The following PALS2 variants were observed in gnomAD, a reference collection of about 807,000 sequenced individuals.
PALS2 encodes protein PALS2.
In PALS2, 27 loss-of-function variants were observed where a neutral mutation model predicts 61.6. That is an observed-to-expected ratio of 0.44 (90% CI 0.32 to 0.60). The LOEUF (loss-of-function observed/expected upper bound fraction) is 0.60, where lower values mean the gene tolerates loss of function less well. Among genes scored for constraint, PALS2 ranks in the 20% least tolerant of loss-of-function variants. PALS2 has a pLI of 0.05. For missense variants in PALS2, 554 were observed against 639.4 expected, an observed-to-expected ratio of 0.87 and a Z score of 1.44; for synonymous variants, 236 against 218.6, an observed-to-expected ratio of 1.08 and a Z score of -0.70.
chr7:24,591,944 G>C (rs1783303481), intron 1 of PALS2, among the ~76,000 whole-genome samples: 1 of 151,930 alleles, frequency 6.6e-6, no homozygotes, highest in African/African-American at 2.4e-5. Flanking sequence ...TGCTATGATT[G>C]GGGACCATTT....
chr7:24,598,268 T>C (rs1783593782), intron 1 of PALS2, among the ~76,000 whole-genome samples: 1 of 152,228 alleles, frequency 6.6e-6, no homozygotes, highest in Non-Finnish European at 1.5e-5. Context: ...GGTATTTTCA[T>C]GTAACTTAAA....
intron 3 of PALS2, among the ~76,000 whole-genome samples, chr7:24,648,491 G>T (rs796550932): frequency 7.3e-5 from 11 of 151,506 alleles, no homozygotes; most frequent in African/African-American, 2.7e-4. Flanking sequence ...ACAGAGTGTT[G>T]CCATGTTGGC....
At chr7:24,641,665 G>T in intron 2 of PALS2, 51 bp from the exon 3 acceptor site, 1 of 1,429,482 alleles carries the variant, frequency 7.0e-7, no homozygotes, top group Non-Finnish European at 9.5e-7. Flanking sequence ...CCATGGTCTG[G>T]TGCAAATAAC....
chr7:24,689,484 A>G lies in PALS2; in HGVS notation c.*1870A>G, dbSNP rs1445053895. ...TTGAAGGAAAAGAAAATATATGACA[A>G]TAGGCAGTATTGACACATTGTTTAA... On this transcript the variant is annotated 3_prime_UTR_variant, in exon 12 of 12. Transcript: ENST00000222644. The G allele has an allele frequency of 6.6e-6, 1 of 152,202 alleles. No individual in the cohort carries two copies. Among genetic ancestry groups the G allele is most frequent in the Non-Finnish European group, 1.5e-5 (1 of 68,038 alleles). 9.4% of individuals were successfully genotyped at this position (152,202 alleles called of 1,614,324 possible). A position where few individuals can be genotyped will look rare whatever the true frequency, so the allele number is the denominator to read the frequency against.
intron 1 of PALS2, 41 bp from the exon 2 acceptor site, chr7:24,623,625 T>G: frequency 8.0e-7 from 1 of 1,252,704 alleles, no homozygotes; most frequent in Non-Finnish European, 1.1e-6. Flanking sequence ...TTTTGTTTGT[T>G]TGTTTGTTTG....
At chr7:24,672,935 T>A (rs564867480) in intron 9 of PALS2, among the ~76,000 whole-genome samples, 1 of 152,260 alleles carries the variant, frequency 6.6e-6, no homozygotes, top group East Asian at 1.9e-4. Context: ...TGCAGTGTAA[T>A]GTGTAATAGT....
intron 5 of PALS2, among the ~76,000 whole-genome samples, chr7:24,658,198 TCTG>T (rs1359754618): frequency 2.0e-4 from 30 of 152,234 alleles, no homozygotes; most frequent in Non-Finnish European, 2.8e-4. Flanking sequence ...CAATGTCTAA[TCTG>T]CTATTAATCA....
At chr7:24,593,714 T>A (rs2108303) in intron 1 of PALS2, among the ~76,000 whole-genome samples, 1 of 151,906 alleles carries the variant, frequency 6.6e-6, no homozygotes, top group East Asian at 1.9e-4. Flanking sequence ...CTGAGCAGTA[T>A]GTCTCAACAG....
intron 9 of PALS2, among the ~76,000 whole-genome samples, chr7:24,669,831 T>C (rs933386190): frequency 6.6e-6 from 1 of 152,218 alleles, no homozygotes; most frequent in Admixed American, 6.5e-5. Context: ...TTTAGACAAA[T>C]CCTACTAAAG....
intron 2 of PALS2, among the ~76,000 whole-genome samples, chr7:24,630,787 C>G (rs1784966180): frequency 6.6e-6 from 1 of 152,182 alleles, no homozygotes; most frequent in African/African-American, 2.4e-5. Flanking sequence ...TGCCTGTGCC[C>G]TCTAACTGGA....
intron 1 of PALS2, among the ~76,000 whole-genome samples, chr7:24,579,256 G>A (rs1276031053): frequency 4.6e-5 from 7 of 152,184 alleles, no homozygotes; most frequent in African/African-American, 1.7e-4. Flanking sequence ...GATGGAAAAT[G>A]TTTGATAATA....
intron 3 of PALS2, among the ~76,000 whole-genome samples, chr7:24,644,745 T>C (rs542541262): frequency 7.9e-4 from 121 of 152,276 alleles, no homozygotes; most frequent in Non-Finnish European, 1.4e-3. Context: ...GTGGTTGAGC[T>C]AATATACATT....
At chr7:24,649,465 T>A (rs1786025974) in intron 3 of PALS2, 147 bp from the exon 4 acceptor site, 2 of 436,966 alleles carry the variant, frequency 4.6e-6, no homozygotes, top group South Asian at 2.0e-4. Context: ...ATATATTTAT[T>A]TGATCAACCT....
intron 1 of PALS2, among the ~76,000 whole-genome samples, chr7:24,619,110 T>A (rs1784397841): frequency 6.6e-6 from 1 of 152,208 alleles, no homozygotes; most frequent in Admixed American, 6.6e-5. Flanking sequence ...TTAATTACCT[T>A]GTAAATTTTG....
chr7:24,612,999 A>G (rs1373659285), intron 1 of PALS2, among the ~76,000 whole-genome samples: 2 of 151,778 alleles, frequency 1.3e-5, no homozygotes, highest in African/African-American at 2.4e-5. Context: ...GGTTTTTTCC[A>G]TCAGAATTGG....
chr7:24,628,472 C>G (rs1000286080), intron 2 of PALS2, among the ~76,000 whole-genome samples: 5 of 152,180 alleles, frequency 3.3e-5, no homozygotes, highest in Admixed American at 6.5e-5. Context: ...GATGCACTCT[C>G]TCACCACTCT....
At chr7:24,655,775 C>T (rs1786384326) in intron 5 of PALS2, among the ~76,000 whole-genome samples, 1 of 151,730 alleles carries the variant, frequency 6.6e-6, no homozygotes, top group Non-Finnish European at 1.5e-5. Flanking sequence ...ATTTTCCTGC[C>T]TCAGCCTTCC....
chr7:24,608,122 G>T (rs1336753433), intron 1 of PALS2, among the ~76,000 whole-genome samples: 1 of 151,828 alleles, frequency 6.6e-6, no homozygotes, highest in Non-Finnish European at 1.5e-5. Context: ...TATATGTAAA[G>T]GTTTTTTTAC....
At chr7:24,580,534 A>G (rs547251673) in intron 1 of PALS2, among the ~76,000 whole-genome samples, 2 of 151,928 alleles carry the variant, frequency 1.3e-5, no homozygotes, top group African/African-American at 2.4e-5. Flanking sequence ...TCTCTTGCAT[A>G]CTCTTCCCTC....
Sources: gnomAD v4.1 joint callset for allele counts (sites outside exome capture counted in the v4.1 genomes callset) on GRCh38, gnomAD v4.1.1 for gene constraint, MANE v1.5 for transcripts, NCBI Gene and HGNC (gene_info 2026-07-23, HGNC 2026-07-21) for gene names.